Variants in ASB3 observed in about 807,000 individuals in gnomAD.
The protein encoded by ASB3 is ankyrin repeat and SOCS box containing 3, also known as ankyrin repeat and SOCS box protein 3.
A neutral mutation model predicts 54.5 loss-of-function variants in ASB3; 41 were observed. That is an observed-to-expected ratio of 0.75 (90% CI 0.59 to 0.98). ASB3 has a LOEUF of 0.98. Ranked by LOEUF, ASB3 falls within the 50% of genes least tolerant of loss-of-function variation. The pLI, the probability that ASB3 is intolerant of heterozygous loss-of-function variation, is 0.00. For synonymous variants in ASB3, 266 were observed against 221.2 expected, an observed-to-expected ratio of 1.20 and a Z score of -1.80; for missense variants, 733 against 620.0, an observed-to-expected ratio of 1.18 and a Z score of -1.94.
chr2:53,718,225 G>A (rs1277681876), intron 5 of ASB3, among the ~76,000 whole-genome samples: 1 of 152,082 alleles, frequency 6.6e-6, no homozygotes, highest in Admixed American at 6.5e-5. Context: ...ATGGCATACA[G>A]TCACCAGACT....
chr2:53,728,884 C>A (rs1307343940), intron 4 of ASB3, 37 bp from the exon 5 acceptor site: 3 of 1,540,556 alleles, frequency 1.9e-6, no homozygotes, highest in African/African-American at 2.8e-5. Context: ...AAGAAAAAAA[C>A]AAAGAAAATA....
intron 9 of ASB3, among the ~76,000 whole-genome samples, chr2:53,689,548 A>T (rs1230191453): frequency 6.6e-6 from 1 of 152,168 alleles, no homozygotes; most frequent in Non-Finnish European, 1.5e-5. Flanking sequence ...TCCTAACCCT[A>T]AGCTTTGTTT....
intron 1 of ASB3, among the ~76,000 whole-genome samples, chr2:53,769,456 AGT>A (rs1232801936): frequency 2.0e-5 from 3 of 152,380 alleles, no homozygotes; most frequent in East Asian, 1.9e-4. Flanking sequence ...GAAAATGTAC[AGT>A]GTGTTACAAA....
intron 7 of ASB3, among the ~76,000 whole-genome samples, chr2:53,709,502 T>C (rs1669972972): frequency 6.6e-6 from 1 of 152,150 alleles, no homozygotes; most frequent in African/African-American, 2.4e-5. Flanking sequence ...CCTGGAACAC[T>C]GAAATCTAAA....
Position 53,700,252 on chromosome 2 carries a change from C to T in ASB3, c.1238+19G>A. On this transcript the variant is annotated intron_variant, in intron 8 of 9. Coordinates refer to ENST00000263634, the MANE Select transcript of ASB3 (RefSeq NM_016115.5). ...ATTCACTCAAAAAGGGTAAGCCCGA[C>T]TATGGTAGAATTTCTTACCAAGAAT... is the stretch of plus-strand genomic sequence containing the variant. The T allele has an allele frequency of 6.2e-7, 1 of 1,606,470 alleles. No individual in the cohort carries two copies. Among genetic ancestry groups the T allele is most frequent in the South Asian group, 1.1e-5 (1 of 89,596 alleles).
intron 1 of ASB3, chr2:53,786,141 G>C (rs529684206): frequency 6.6e-6 from 1 of 152,256 alleles, no homozygotes; most frequent in Admixed American, 6.5e-5. Flanking sequence ...TTATATTGGA[G>C]ATCAAAACAG....
Position 53,774,317 on chromosome 2 carries a change from C to G in ASB3, c.-13-8732G>C. The G allele has an allele frequency of 6.2e-7, 1 of 1,613,166 alleles. No homozygotes were observed. The highest frequency in any genetic ancestry group is 1.3e-5 in the African/African-American group (1 of 75,008). ...CTATATATTGGAACATGTGATAATCCTGATTATCTTGGTCCTGCACCTCTG... is the reference window on the plus strand; with the variant it reads ...CTATATATTGGAACATGTGATAATCGTGATTATCTTGGTCCTGCACCTCTG... On this transcript the variant is annotated intron_variant, in intron 1 of 9. Transcript: ENST00000263634.
intron 2 of ASB3, among the ~76,000 whole-genome samples, chr2:53,759,913 T>C (rs1449498610): frequency 6.6e-6 from 1 of 152,032 alleles, no homozygotes; most frequent in Non-Finnish European, 1.5e-5. Context: ...CGGGTATGCT[T>C]GATCATTGAG....
At chr2:53,688,837 G>C (rs1477687063) in intron 9 of ASB3, among the ~76,000 whole-genome samples, 4 of 152,026 alleles carry the variant, frequency 2.6e-5, no homozygotes, top group Non-Finnish European at 4.4e-5. Flanking sequence ...TAATGTAGAA[G>C]ATGCGTTGAT....
At chr2:53,704,454 A>G (rs937589782) in intron 7 of ASB3, among the ~76,000 whole-genome samples, 3 of 152,076 alleles carry the variant, frequency 2.0e-5, no homozygotes, top group Non-Finnish European at 4.4e-5. Context: ...TGGTGACTGT[A>G]ATTAATTTAA....
chr2:53,730,492 G>C (rs1444778387), intron 3 of ASB3, among the ~76,000 whole-genome samples: 1 of 152,180 alleles, frequency 6.6e-6, no homozygotes, highest in Non-Finnish European at 1.5e-5. Flanking sequence ...ATTGTGAATG[G>C]TGCTGCAAGG....
At chr2:53,746,391 C>G (rs932548113) in intron 3 of ASB3, among the ~76,000 whole-genome samples, 1 of 152,066 alleles carries the variant, frequency 6.6e-6, no homozygotes, top group Non-Finnish European at 1.5e-5. Context: ...TATTATCTAA[C>G]TAAAGAGTTA....
At chr2:53,771,700 C>T (rs909354144) in intron 1 of ASB3, among the ~76,000 whole-genome samples, 1 of 151,994 alleles carries the variant, frequency 6.6e-6, no homozygotes, top group Non-Finnish European at 1.5e-5. Flanking sequence ...TGATGGAAAT[C>T]TTTTAGAAAG....
At chr2:53,704,209 A>T (rs907419495) in intron 7 of ASB3, among the ~76,000 whole-genome samples, 2 of 151,794 alleles carry the variant, frequency 1.3e-5, no homozygotes. Flanking sequence ...AAAATACAAA[A>T]ATTAGCCAGG....
At chr2:53,750,576 G>C (rs1271043055) in intron 3 of ASB3, among the ~76,000 whole-genome samples, 3 of 152,008 alleles carry the variant, frequency 2.0e-5, no homozygotes, top group Admixed American at 6.5e-5. Flanking sequence ...AATAAACAAA[G>C]TCCCAGAAGC....
intron 1 of ASB3, among the ~76,000 whole-genome samples, chr2:53,781,704 A>G (rs1349595866): frequency 2.6e-5 from 4 of 152,220 alleles, no homozygotes; most frequent in African/African-American, 9.6e-5. Context: ...CAGGTTGGTC[A>G]GGCTGGTCTT....
At chr2:53,752,563 T>C (rs952573266) in intron 2 of ASB3, among the ~76,000 whole-genome samples, 2 of 152,262 alleles carry the variant, frequency 1.3e-5, no homozygotes, top group African/African-American at 4.8e-5. Context: ...TTTCCCTTTC[T>C]GTGCACGTGT....
chr2:53,770,048 C>T (rs1673785834), intron 1 of ASB3, among the ~76,000 whole-genome samples: 1 of 152,190 alleles, frequency 6.6e-6, no homozygotes, highest in Non-Finnish European at 1.5e-5. Flanking sequence ...GCATAAATAA[C>T]TTCTAATTCA....
At chr2:53,701,042 C>A (rs1177684466) in intron 7 of ASB3, among the ~76,000 whole-genome samples, 1 of 152,150 alleles carries the variant, frequency 6.6e-6, no homozygotes, top group Non-Finnish European at 1.5e-5. Context: ...GTGGCACAAT[C>A]AAGGCTCACT....
Sources: allele counts gnomAD v4.1 joint callset (sites outside exome capture counted in the v4.1 genomes callset), GRCh38; gene constraint gnomAD v4.1.1; transcripts MANE v1.5; gene names NCBI Gene and HGNC (gene_info 2026-07-23, HGNC 2026-07-21).